PCLO: variants seen among roughly 807,000 people sequenced by gnomAD.
PCLO encodes the protein piccolo presynaptic cytomatrix protein.
Under a neutral mutation model 427.5 loss-of-function variants are expected in PCLO, and 82 were observed. The ratio of observed to expected loss-of-function variants is 0.19; its 90% CI spans 0.16 to 0.23. PCLO has a LOEUF of 0.23. Ranked by LOEUF, PCLO falls within the 10% of genes least tolerant of loss-of-function variation. The probability of loss-of-function intolerance (pLI) is 1.00; values close to 1 mark genes in which losing one functional copy is unlikely to be tolerated. For synonymous variants in PCLO, 2,357 were observed against 2,155.4 expected (o/e 1.09, Z -2.59); for missense variants, 6,239 against 6,115.9 (o/e 1.02, Z -0.67).
At chr7:82,824,094 T>C (rs1791867390) in intron 19 of PCLO, 142 bp downstream of exon 19, 2 of 554,418 alleles carry the variant, frequency 3.6e-6, no homozygotes, top group Non-Finnish European at 6.2e-6. Flanking sequence ...CTGATTCCAC[T>C]CTTTGCATGA....
At chr7:82,801,686 T>C (rs1791357272) in intron 21 of PCLO, 95 bp from the exon 22 acceptor site, 2 of 703,452 alleles carry the variant, frequency 2.8e-6, no homozygotes, top group Admixed American at 2.7e-5. Context: ...TTGATAGTAA[T>C]GGCAAAACCT....
chr7:82,997,435 A>C (rs1787653591), intron 3 of PCLO, among the ~76,000 whole-genome samples: 1 of 151,982 alleles, frequency 6.6e-6, no homozygotes, highest in Admixed American at 6.6e-5. Context: ...GAAAAAAATT[A>C]CTTTTGTCTT....
At chr7:82,927,524 G>A (rs1794739600) in intron 6 of PCLO, among the ~76,000 whole-genome samples, 1 of 152,082 alleles carries the variant, frequency 6.6e-6, no homozygotes, top group East Asian at 1.9e-4. Context: ...ACCACAATCA[G>A]CATATCGATC....
At chr7:82,981,158 A>T (rs1481331157) in intron 3 of PCLO, among the ~76,000 whole-genome samples, 1 of 152,082 alleles carries the variant, frequency 6.6e-6, no homozygotes, top group East Asian at 1.9e-4. Flanking sequence ...GCAACAGATT[A>T]ACTTCATTAT....
chr7:82,885,362 T>C (rs774178895), intron 9 of PCLO, among the ~76,000 whole-genome samples: 12 of 152,074 alleles, frequency 7.9e-5, no homozygotes, highest in South Asian at 2.1e-4. Flanking sequence ...CCACATGAGT[T>C]TGGAAGAGGT....
At chr7:83,059,550 C>T (rs966115554) in intron 3 of PCLO, among the ~76,000 whole-genome samples, 6 of 151,208 alleles carry the variant, frequency 4.0e-5, no homozygotes, top group African/African-American at 1.5e-4. Context: ...TTATTTTTGA[C>T]AAAAAATAAG....
At chr7:82,879,728 G>C in intron 9 of PCLO, 1 of 453,522 alleles carries the variant, frequency 2.2e-6, no homozygotes, top group South Asian at 2.0e-5. Flanking sequence ...AATATACCCA[G>C]GACTTGCCAA....
At chr7:82,881,684 G>A (rs1793511887) in intron 9 of PCLO, among the ~76,000 whole-genome samples, 2 of 152,058 alleles carry the variant, frequency 1.3e-5, no homozygotes, top group South Asian at 4.1e-4. Context: ...TCACTCTGTT[G>A]CCCTTGCTGG....
chr7:82,818,655 A>G (rs1287404966), intron 20 of PCLO, among the ~76,000 whole-genome samples: 1 of 152,232 alleles, frequency 6.6e-6, no homozygotes, highest in Non-Finnish European at 1.5e-5. Context: ...TTATAACTCA[A>G]AAAGTCACAA....
intron 3 of PCLO, among the ~76,000 whole-genome samples, chr7:83,120,996 AAACTT>A (rs1315523925): frequency 6.6e-6 from 1 of 152,188 alleles, no homozygotes; most frequent in East Asian, 1.9e-4. Context: ...GTAGAAAAAT[AAACTT>A]AACAAAAGTA....
intron 3 of PCLO, among the ~76,000 whole-genome samples, chr7:83,079,109 G>A (rs1790031080): frequency 6.6e-6 from 1 of 151,912 alleles, no homozygotes. Context: ...ACATAATTTT[G>A]CTATCAGAGC....
At chr7:83,157,568 G>C (rs1268152223) in intron 1 of PCLO, among the ~76,000 whole-genome samples, 1 of 151,462 alleles carries the variant, frequency 6.6e-6, no homozygotes, top group East Asian at 1.9e-4. Context: ...AAATGACTAT[G>C]GTTAAATAAT....
At chr7:82,820,351 A>G (rs1791762435) in intron 20 of PCLO, 1 of 219,522 alleles carries the variant, frequency 4.6e-6, no homozygotes, top group Admixed American at 6.3e-5. Flanking sequence ...CAAATGTCCA[A>G]TCATTACAGC....
At position 82,951,452 on chromosome 7, in the gene PCLO, ATGGACC is replaced by A. The variant is rs746229699; in HGVS notation, c.9130_9135del (p.Gly3044_Pro3045del). 8 of 1,584,440 alleles carry A rather than the reference ATGGACC, an allele frequency of 5.0e-6. No homozygotes were observed. In the South Asian group the frequency reaches 8.0e-5, roughly 16 times the overall value. ...GAAATGACTTGTCGTGTTTCTGGATATGGACCTGTAGTCTTGCTTGAATAATCCATT... is the reference window on the plus strand; with the variant it reads ...GAAATGACTTGTCGTGTTTCTGGATATGTAGTCTTGCTTGAATAATCCATT... On this transcript the variant is annotated inframe_deletion, in exon 6 of 25. Transcript: ENST00000333891.
chr7:83,137,623 G>C (rs1434668347), intron 2 of PCLO, among the ~76,000 whole-genome samples: 3 of 151,502 alleles, frequency 2.0e-5, no homozygotes, highest in African/African-American at 7.3e-5. Flanking sequence ...AGTAGAGACA[G>C]GTTTTCACCG....
At chr7:83,137,555 C>G (rs190472749) in intron 2 of PCLO, among the ~76,000 whole-genome samples, 9 of 152,158 alleles carry the variant, frequency 5.9e-5, no homozygotes, top group Admixed American at 2.6e-4. Context: ...CTCAGCCTCC[C>G]GGGTAGCTGG....
At chr7:83,044,790 G>T (rs537437080) in intron 3 of PCLO, among the ~76,000 whole-genome samples, 1 of 152,022 alleles carries the variant, frequency 6.6e-6, no homozygotes, top group Non-Finnish European at 1.5e-5. Context: ...ATATTGATTC[G>T]ATATCTAAAA....
intron 3 of PCLO, among the ~76,000 whole-genome samples, chr7:83,096,767 A>G (rs1168396859): frequency 2.7e-5 from 2 of 73,454 alleles, no homozygotes; most frequent in Non-Finnish European, 5.5e-5. Flanking sequence ...TAAATATATT[A>G]TATATTATAT....
intron 9 of PCLO, among the ~76,000 whole-genome samples, chr7:82,902,175 C>T (rs1006718298): frequency 2.0e-5 from 3 of 151,748 alleles, no homozygotes; most frequent in African/African-American, 7.3e-5. Flanking sequence ...TGGAACCAAG[C>T]CAAATGTCCA....
Sources: allele counts gnomAD v4.1 joint callset (sites outside exome capture counted in the v4.1 genomes callset), GRCh38; gene constraint gnomAD v4.1.1; transcripts MANE v1.5; gene names NCBI Gene and HGNC (gene_info 2026-07-23, HGNC 2026-07-21).